WNK3: variants seen among roughly 807,000 people sequenced by gnomAD.
WNK3 encodes WNK lysine deficient protein kinase 3, also known as serine/threonine-protein kinase WNK3.
Under a neutral mutation model 116.7 loss-of-function variants are expected in WNK3, and 18 were observed. That is an observed-to-expected ratio of 0.15 (90% CI 0.11 to 0.23). The LOEUF (loss-of-function observed/expected upper bound fraction) is 0.23. Ranked by LOEUF, WNK3 falls within the 10% of genes least tolerant of loss-of-function variation. WNK3 has a pLI of 1.00. For synonymous variants in WNK3, 404 were observed against 469.4 expected (o/e 0.86, Z 1.80); for missense variants, 993 against 1,323.8 (o/e 0.75, Z 3.88).
upstream of WNK3, among the ~76,000 whole-genome samples, chrX:54,358,299 C>T (rs2069627040): frequency 9.0e-6 from 1 of 111,013 alleles, no homozygotes; most frequent in South Asian, 3.8e-4. Context: ...GCGACATCTC[C>T]TGTGTGTTCC....
chrX:54,346,375 C>G (rs1557177630), intron 1 of WNK3, among the ~76,000 whole-genome samples: 1 of 103,976 alleles, frequency 9.6e-6, no homozygotes, highest in Non-Finnish European at 1.9e-5. Context: ...GAGACTGAGG[C>G]TGGCAGATTG....
intron 1 of WNK3, among the ~76,000 whole-genome samples, chrX:54,355,482 T>A (rs1603403621): frequency 9.1e-6 from 1 of 110,246 alleles, no homozygotes; most frequent in East Asian, 2.8e-4. Flanking sequence ...CCTAGCTTGG[T>A]GGAGGATGCT....
At chrX:54,298,106 A>G in intron 7 of WNK3, 69 bp downstream of exon 7, 1 of 751,032 alleles carries the variant, frequency 1.3e-6, no homozygotes, top group East Asian at 3.2e-5. Context: ...AAAGAAAGCA[A>G]TGAGAAGGAG....
At chrX:54,236,860 A>T (rs1557150201) in intron 20 of WNK3, 78 bp downstream of exon 20, 1 of 1,057,128 alleles carries the variant, frequency 9.5e-7, no homozygotes, top group South Asian at 2.5e-5. Flanking sequence ...ACCAATCCTA[A>T]ATTAGTTACC....
At chrX:54,303,141 T>C (rs1028633059) in intron 5 of WNK3, among the ~76,000 whole-genome samples, 3 of 107,377 alleles carry the variant, frequency 2.8e-5, no homozygotes, top group Non-Finnish European at 5.7e-5. Flanking sequence ...TAGATACATA[T>C]GTGTATGTAT....
intron 10 of WNK3, among the ~76,000 whole-genome samples, chrX:54,290,452 T>G (rs1240972000): frequency 9.0e-6 from 1 of 111,536 alleles, no homozygotes; most frequent in Non-Finnish European, 1.9e-5. Flanking sequence ...CCGGACATAC[T>G]GATAGAGAAA....
chrX:54,211,206 C>G (rs185467429), intron 22 of WNK3, among the ~76,000 whole-genome samples: 63 of 110,995 alleles, frequency 5.7e-4, no homozygotes, highest in African/African-American at 2.1e-3. Context: ...CTTTGGGAGG[C>G]CAAGGCAGGT....
chrX:54,197,120 G>A (rs1557140320), exon 24 of WNK3: 3 of 111,828 alleles, frequency 2.7e-5, no homozygotes, highest in Non-Finnish European at 5.6e-5. Flanking sequence ...CACTTCAGAA[G>A]AATGGATTGA....
chrX:54,278,632 T>C (rs1293282049), intron 10 of WNK3, among the ~76,000 whole-genome samples: 2 of 111,093 alleles, frequency 1.8e-5, no homozygotes, highest in Admixed American at 9.7e-5. Context: ...AGCAATTGAA[T>C]GGAAGACAAG....
chrX:54,257,364 G>C (rs1557155723), intron 11 of WNK3, among the ~76,000 whole-genome samples: 3 of 111,104 alleles, frequency 2.7e-5, no homozygotes, highest in Non-Finnish European at 5.7e-5. Flanking sequence ...GTGGGGGCCA[G>C]GGGTTCAGGT....
chrX:54,333,496 G>A lies in WNK3; in HGVS notation c.178C>T (p.Arg60Ter). Residue 60 changes from arginine to a stop codon, truncating the protein, a stop_gained, in exon 2 of 24, where the codon CGA becomes TGA. Coordinates refer to ENST00000354646, the Ensembl canonical transcript of WNK3. LOFTEE classifies it high-confidence loss of function. The stretch of plus-strand genomic sequence containing the variant: ...TCTTCCGTCATTTCAACACTCTTTC[G>A]GAAAAATCTCTTCCTTTCTACAGTT... The A allele has an allele frequency of 8.3e-7, 1 of 1,211,010 alleles. No individual in the cohort carries two copies. Among genetic ancestry groups the A allele is most frequent in the Non-Finnish European group, 1.1e-6 (1 of 895,082 alleles).
At chrX:54,327,393 G>A (rs1557173676) in intron 2 of WNK3, among the ~76,000 whole-genome samples, 1 of 111,226 alleles carries the variant, frequency 9.0e-6, no homozygotes, top group Non-Finnish European at 1.9e-5. Context: ...AGACTGGCCT[G>A]GACAACATAA....
chrX:54,215,916 CCA>C (rs1165696519), intron 22 of WNK3, among the ~76,000 whole-genome samples: 1 of 111,463 alleles, frequency 9.0e-6, no homozygotes, highest in East Asian at 2.8e-4. Flanking sequence ...ATAGGAGACT[CCA>C]TTTTGTTCTG....
intron 10 of WNK3, among the ~76,000 whole-genome samples, chrX:54,285,866 A>T: frequency 8.9e-6 from 1 of 112,218 alleles, no homozygotes; most frequent in African/African-American, 3.2e-5. Context: ...AGTCAATGAT[A>T]TGTATTTATG....
At chrX:54,199,706 C>T (rs1372508499) in intron 23 of WNK3, among the ~76,000 whole-genome samples, 1 of 111,132 alleles carries the variant, frequency 9.0e-6, no homozygotes, top group Non-Finnish European at 1.9e-5. Flanking sequence ...TGGTCGCGAG[C>T]GCCTGTAATC....
chrX:54,322,064 G>A (rs2069044602), intron 2 of WNK3, among the ~76,000 whole-genome samples: 1 of 110,551 alleles, frequency 9.0e-6, no homozygotes, highest in African/African-American at 3.3e-5. Flanking sequence ...AATAAACCAT[G>A]CATAGAACCA....
chrX:54,347,663 G>GACATATATATATATAC (rs1177869135), intron 1 of WNK3, among the ~76,000 whole-genome samples: 6 of 94,244 alleles, frequency 6.4e-5, no homozygotes, highest in Non-Finnish European at 8.1e-5. Flanking sequence ...AAAAATAAAA[G>GACATATATATATATAC]ACATATATAT....
chrX:54,222,917 T>TAATA (rs1398375135), intron 22 of WNK3, among the ~76,000 whole-genome samples: 8 of 81,157 alleles, frequency 9.9e-5, no homozygotes, highest in African/African-American at 3.9e-4. Flanking sequence ...ATAATAATAA[T>TAATA]ATATATATAT....
chrX:54,347,665 C>CAT (rs200836859), intron 1 of WNK3, among the ~76,000 whole-genome samples: 3,964 of 100,556 alleles, frequency 0.039, 212 homozygotes, highest in African/African-American at 0.14. Flanking sequence ...AAATAAAAGA[C>CAT]ATATATATAT....
Sources: allele counts gnomAD v4.1 joint callset (sites outside exome capture counted in the v4.1 genomes callset), GRCh38; gene constraint gnomAD v4.1.1; transcripts MANE v1.5; gene names NCBI Gene and HGNC (gene_info 2026-07-23, HGNC 2026-07-21).